The following PDE1C variants were observed in gnomAD, a reference collection of about 807,000 sequenced individuals.
PDE1C encodes phosphodiesterase 1C.
In PDE1C, 62 loss-of-function variants were observed where a neutral mutation model predicts 93.1. The observed-to-expected ratio is 0.67, with a 90% CI of 0.54 to 0.82. The LOEUF is 0.82. Ranked by LOEUF, PDE1C falls within the 40% of genes least tolerant of loss-of-function variation. The probability of loss-of-function intolerance (pLI) is 0.00; values close to 1 mark genes in which losing one functional copy is unlikely to be tolerated. For synonymous variants in PDE1C, 325 were observed against 310.1 expected (o/e 1.05, Z -0.50); for missense variants, 742 against 884.6 (o/e 0.84, Z 2.04).
chr7:31,673,012 C>T, the PDE1C span, among the ~76,000 whole-genome samples: 79 of 152,304 alleles, frequency 5.2e-4, no homozygotes, highest in Non-Finnish European at 9.8e-4. Flanking sequence ...CCTGCTTTCC[C>T]TTTGCCTTGC....
the PDE1C span, among the ~76,000 whole-genome samples, chr7:31,704,380 T>C: frequency 1.2e-3 from 182 of 152,336 alleles, 4 homozygotes; most frequent in East Asian, 0.032. Flanking sequence ...TCAAAGCTGA[T>C]TGGCCCTTGG....
At chr7:31,671,000 C>T in the PDE1C span, among the ~76,000 whole-genome samples, 6,949 of 152,150 alleles carry the variant, frequency 0.046, 511 homozygotes, top group African/African-American at 0.16. Context: ...GGAAAGATTA[C>T]CTTTCCACTC....
At chr7:31,820,719 CCAGT>C (rs1490613623) in intron 14 of PDE1C, 1 of 152,080 alleles carries the variant, frequency 6.6e-6, no homozygotes, top group African/African-American at 2.4e-5. Flanking sequence ...CTAATTAGCA[CCAGT>C]CAACCAGTCA....
intron 1 of PDE1C, among the ~76,000 whole-genome samples, chr7:32,220,796 C>T (rs577859561): frequency 1.3e-5 from 2 of 152,046 alleles, no homozygotes; most frequent in Non-Finnish European, 2.9e-5. Context: ...CCAGCCTGGG[C>T]GACAGAGCGA....
chr7:32,391,037 T>C (rs1784739412), intron 1 of PDE1C, among the ~76,000 whole-genome samples: 1 of 151,860 alleles, frequency 6.6e-6, no homozygotes, highest in South Asian at 2.1e-4. Flanking sequence ...TCCAACCCTA[T>C]CAATAATAAC....
chr7:31,984,442 A>T (rs753082468), intron 2 of PDE1C, among the ~76,000 whole-genome samples: 27 of 152,138 alleles, frequency 1.8e-4, no homozygotes, highest in Non-Finnish European at 1.5e-4. Flanking sequence ...GCTGGGCTAG[A>T]TCATCTGGAT....
chr7:31,636,311 ATCAC>A, the PDE1C span, among the ~76,000 whole-genome samples: 1 of 152,178 alleles, frequency 6.6e-6, no homozygotes, highest in Admixed American at 6.5e-5. Flanking sequence ...GCTCTAACAT[ATCAC>A]TCTGTGCTAG....
intron 2 of PDE1C, among the ~76,000 whole-genome samples, chr7:31,963,077 T>C (rs931144245): frequency 6.6e-6 from 1 of 152,210 alleles, no homozygotes. Flanking sequence ...AGCAATGCTT[T>C]AGAAAAATTA....
At chr7:32,098,154 C>T (rs899791747) in intron 3 of PDE1C, among the ~76,000 whole-genome samples, 13 of 134,970 alleles carry the variant, frequency 9.6e-5, no homozygotes, top group Non-Finnish European at 1.9e-4. Context: ...GGCGTGAACC[C>T]GGGAGGCGGA....
At chr7:32,373,592 T>C (rs891657720) in intron 1 of PDE1C, among the ~76,000 whole-genome samples, 26 of 152,354 alleles carry the variant, frequency 1.7e-4, no homozygotes, top group Non-Finnish European at 2.5e-4. Context: ...AACCATTGAA[T>C]TGTATACTTT....
the PDE1C span, among the ~76,000 whole-genome samples, chr7:31,700,776 T>G: frequency 6.6e-6 from 1 of 152,108 alleles, no homozygotes; most frequent in Non-Finnish European, 1.5e-5. Flanking sequence ...CCTAGGGCCC[T>G]TATGAATTAT....
At chr7:32,392,686 A>C (rs1157153322) in intron 1 of PDE1C, among the ~76,000 whole-genome samples, 1 of 152,178 alleles carries the variant, frequency 6.6e-6, no homozygotes, top group Admixed American at 6.5e-5. Flanking sequence ...TTAAGGACAA[A>C]AGCCACATGA....
At chr7:32,255,630 T>C (rs1038750960) in intron 1 of PDE1C, among the ~76,000 whole-genome samples, 2 of 152,196 alleles carry the variant, frequency 1.3e-5, no homozygotes, top group African/African-American at 4.8e-5. Flanking sequence ...ATATTTGTCC[T>C]GCATGCAAGG....
intron 1 of PDE1C, among the ~76,000 whole-genome samples, chr7:32,419,403 A>G (rs1267791697): frequency 6.6e-6 from 1 of 152,168 alleles, no homozygotes; most frequent in East Asian, 1.9e-4. Context: ...AGCCCCTCTA[A>G]CTACTCCCTC....
intron 2 of PDE1C, among the ~76,000 whole-genome samples, chr7:31,943,122 C>T (rs1806075020): frequency 6.6e-6 from 1 of 152,088 alleles, no homozygotes; most frequent in African/African-American, 2.4e-5. Context: ...TTAGGCCATC[C>T]CCCAAAAAGA....
chr7:32,423,255 T>C (rs927255836), intron 1 of PDE1C, among the ~76,000 whole-genome samples: 2 of 152,194 alleles, frequency 1.3e-5, no homozygotes, highest in Non-Finnish European at 2.9e-5. Context: ...CTTCCACCTG[T>C]GGTCCCAACT....
chr7:31,767,798 G>C (rs1795235380), intron 17 of PDE1C, among the ~76,000 whole-genome samples: 1 of 152,134 alleles, frequency 6.6e-6, no homozygotes, highest in Non-Finnish European at 1.5e-5. Flanking sequence ...CCAGGTTGCA[G>C]ACTGCTGACT....
In PDE1C at chr7:32,201,093, G is replaced by A. The variant is rs543939199; in HGVS notation, c.136+8396C>T. ...TCTGCACACATGTTAACAGCTTACCGTACTGATATTAAATTCTTCCTTCAT... is the reference window on the plus strand; with the variant it reads ...TCTGCACACATGTTAACAGCTTACCATACTGATATTAAATTCTTCCTTCAT... On this transcript the variant is annotated intron_variant, in intron 2 of 18. Coordinates refer to the PDE1C transcript ENST00000396193. Among the ~76,000 whole-genome samples the A allele has an allele frequency of 4.6e-5, 7 of 152,326 alleles. No individual in the cohort carries two copies. The South Asian group carries it at 6.2e-4, about 14-fold the overall frequency.
intron 7 of PDE1C, among the ~76,000 whole-genome samples, chr7:31,859,693 CA>C (rs1470068721): frequency 1.3e-5 from 2 of 151,956 alleles, no homozygotes; most frequent in Non-Finnish European, 2.9e-5. Context: ...TGTTAACAAA[CA>C]AAAACTTCAA....
Sources: allele counts gnomAD v4.1 joint callset (sites outside exome capture counted in the v4.1 genomes callset), GRCh38; gene constraint gnomAD v4.1.1; transcripts MANE v1.5; gene names NCBI Gene and HGNC (gene_info 2026-07-23, HGNC 2026-07-21).